Variants in EP400 observed in about 807,000 individuals in gnomAD.
The protein encoded by EP400 is E1A-binding protein p400.
Under a neutral mutation model 354.1 loss-of-function variants are expected in EP400, and 105 were observed. That is an observed-to-expected ratio of 0.30 (90% CI 0.25 to 0.35). EP400 has a LOEUF of 0.35. Among genes scored for constraint, EP400 ranks in the 10% least tolerant of loss-of-function variants. The probability of loss-of-function intolerance (pLI) is 1.00; values close to 1 mark genes in which losing one functional copy is unlikely to be tolerated. For missense variants in EP400, 3,280 were observed against 4,121.0 expected, an observed-to-expected ratio of 0.80 and a Z score of 5.59; for synonymous variants, 1,646 against 1,716.9, an observed-to-expected ratio of 0.96 and a Z score of 1.02.
rs1894529310 is a variant in EP400 at position 132,032,050 on chromosome 12, C to T, written c.5852C>T (p.Thr1951Ile). The change falls in exon 30 of 53, where the codon ACC (threonine) becomes ATC (isoleucine). Residue 1951 changes from threonine (T) to isoleucine (I), a missense_variant. Transcript: ENST00000389561. ...TTGINLVEAD[T>I]VVFYDNDLNP... ...GGTATAAACCTTGTAGAGGCGGACACCGTCGTGTTTTATGACAATGACCTG... is the reference window on the plus strand; with the variant it reads ...GGTATAAACCTTGTAGAGGCGGACATCGTCGTGTTTTATGACAATGACCTG... 6.2e-7 allele frequency: 1 copy of T among 1,614,228 alleles called. No homozygotes were observed. The highest frequency in any genetic ancestry group is 8.5e-7 in the Non-Finnish European group (1 of 1,180,050).
In EP400 at chr12:132,077,914, T is replaced by C. The variant is rs1312120546; in HGVS notation, c.*241T>C. 5.4e-6 allele frequency: 3 copies of C among 555,642 alleles called. No individual in the cohort carries two copies. The highest frequency in any genetic ancestry group is 9.4e-6 in the Non-Finnish European group (3 of 319,836). 34.4% of individuals were successfully genotyped at this position (555,642 alleles called of 1,614,324 possible). ...TGGAAAAAGTGACAACATGGCTTCCTCTAAATCATTTCACCTTTCAGTCCC... is the reference window on the plus strand; with the variant it reads ...TGGAAAAAGTGACAACATGGCTTCCCCTAAATCATTTCACCTTTCAGTCCC... On this transcript the variant is annotated 3_prime_UTR_variant, in exon 53 of 53. Transcript: ENST00000389561.
intron 12 of EP400, among the ~76,000 whole-genome samples, chr12:131,998,525 T>C (rs1893291606): frequency 6.6e-6 from 1 of 151,940 alleles, no homozygotes; most frequent in Non-Finnish European, 1.5e-5. Flanking sequence ...AAAGTTGTGC[T>C]AAATGGTATA....
chr12:132,040,703 CAT>C (rs1434941116), intron 32 of EP400, among the ~76,000 whole-genome samples: 1 of 152,312 alleles, frequency 6.6e-6, no homozygotes, highest in East Asian at 1.9e-4. Context: ...AATTTATTCA[CAT>C]GAGAAGTTGT....
In EP400 at chr12:131,990,557, G is replaced by A. The variant is rs1892999691; in HGVS notation, c.2551-79G>A. The A allele has an allele frequency of 9.3e-7, 1 of 1,071,692 alleles. No individual in the cohort carries two copies. Among genetic ancestry groups the A allele is most frequent in the African/African-American group, 1.6e-5 (1 of 63,070 alleles). 66.4% of individuals were successfully genotyped at this position (1,071,692 alleles called of 1,614,324 possible). ...CACTGTTTTCAGACTCTGCTTATGT[G>A]CTTTAGTGTTTTGTATGCAGAACGT... On this transcript the variant is annotated intron_variant, in intron 8 of 52. Coordinates refer to ENST00000389561, the MANE Select transcript of EP400 (RefSeq NM_015409.5). This position sits in a 1 kb window ranked among gnomAD's most constrained non-coding sequence, Gnocchi z 4.2.
chr12:132,050,934 T>C lies in EP400; in HGVS notation c.7394+279T>C. 1.9e-6 allele frequency: 1 copy of C among 537,324 alleles called. No homozygotes were observed. The highest frequency in any genetic ancestry group is 3.3e-6 in the Non-Finnish European group (1 of 299,856). The allele number at this position is 537,324 out of a possible 1,614,324, so 33.3% of individuals were successfully genotyped here. On this transcript the variant is annotated intron_variant, in intron 41 of 52. Transcript: ENST00000389561. The surrounding 1 kb of genome is among the most constrained non-coding windows in gnomAD (Gnocchi z 4.8). ...AGATGTGATGAGTGTGCCAGGGCCA[T>C]GTGGCCAACCACAAGGGGCTTTCTT...
In EP400 at chr12:132,079,742, G is replaced by A. The variant is rs895641988; in HGVS notation, c.*2069G>A. The A allele has an allele frequency of 1.3e-5, 2 of 152,198 alleles. No individual in the cohort carries two copies. Among genetic ancestry groups the A allele is most frequent in the East Asian group, 1.9e-4 (1 of 5,194 alleles). The allele number at this position is 152,198 out of a possible 1,614,324, so 9.4% of individuals were successfully genotyped here. The stretch of plus-strand genomic sequence containing the variant: ...ATTTGCAATGTGGAGTTTCCGCCCC[G>A]ATCTCACGTCAGTGAGGGTCTCCTG... On this transcript the variant is annotated 3_prime_UTR_variant, in exon 53 of 53. Transcript: ENST00000389561.
At position 132,018,402 on chromosome 12, in the gene EP400, G is replaced by C; in HGVS notation, c.4277+26G>C. The C allele has an allele frequency of 6.3e-7, 1 of 1,575,252 alleles. No individual in the cohort carries two copies. Among genetic ancestry groups the C allele is most frequent in the Non-Finnish European group, 8.6e-7 (1 of 1,165,342 alleles). ...GTGCGTGCGACCCAGAGGCAGCGGG[G>C]AGGGTTGGCTCCCAGGGCCCCCACA... On this transcript the variant is annotated intron_variant, in intron 21 of 52. Transcript: ENST00000389561. This position sits in a 1 kb window ranked among gnomAD's most constrained non-coding sequence, Gnocchi z 4.0.
chr12:132,010,031 G>A (rs775785707), intron 15 of EP400, among the ~76,000 whole-genome samples: 26 of 150,918 alleles, frequency 1.7e-4, no homozygotes, highest in Non-Finnish European at 3.1e-4. Context: ...TTTTTCACTG[G>A]GTGTTAAAAT....
intron 30 of EP400, among the ~76,000 whole-genome samples, chr12:132,035,634 AG>A (rs1489223207): frequency 6.6e-6 from 1 of 150,830 alleles, no homozygotes; most frequent in East Asian, 2.0e-4. Context: ...GGGCACACCC[AG>A]GTTCACACAC....
chr12:132,013,990 G>A lies in EP400; in HGVS notation c.3923+77G>A, dbSNP rs1413514886. On this transcript the variant is annotated intron_variant, in intron 19 of 52. Coordinates refer to ENST00000389561, the MANE Select transcript of EP400 (RefSeq NM_015409.5). This position sits in a 1 kb window ranked among gnomAD's most constrained non-coding sequence, Gnocchi z 4.5. ...GAAAACGGCCCTTTCTGTGGCCTCA[G>A]CAGAAAGCTCCTTTCCGCAAGGATT... 6.4e-7 allele frequency: 1 copy of A among 1,563,822 alleles called. No individual in the cohort carries two copies. The highest frequency in any genetic ancestry group is 1.4e-5 in the African/African-American group (1 of 73,172).
chr12:131,949,962 G>C lies in EP400; in HGVS notation c.-110G>C, dbSNP rs1191731302. 1 of 151,876 alleles carries C rather than the reference G, an allele frequency of 6.6e-6. No individual in the cohort carries two copies. The highest frequency in any genetic ancestry group is 1.9e-4 in the East Asian group (1 of 5,176). The allele number at this position is 151,876 out of a possible 1,614,324, so 9.4% of individuals were successfully genotyped here. A position where few individuals can be genotyped will look rare whatever the true frequency, so the allele number is the denominator to read the frequency against. On this transcript the variant is annotated 5_prime_UTR_variant, in exon 1 of 53. It removes an upstream start codon present in the reference 5' UTR. Transcript: ENST00000389561. ...GCTTCCTCCCGCCGGGGCCCCGGAT[G>C]CACTGAGCGGCTGCGGCGCGGCTTC...
At chr12:131,999,846 G>A (rs1353884615) in intron 12 of EP400, among the ~76,000 whole-genome samples, 1 of 151,862 alleles carries the variant, frequency 6.6e-6, no homozygotes, top group African/African-American at 2.4e-5. Flanking sequence ...AAATTTATTG[G>A]CATACATTGT....
chr12:132,018,478 G>A lies in EP400; in HGVS notation c.4277+102G>A, dbSNP rs940996794. 7.6e-6 allele frequency: 11 copies of A among 1,450,034 alleles called. No homozygotes were observed. In the Admixed American group the frequency reaches 1.0e-4, roughly 14 times the overall value. The allele number at this position is 1,450,034 out of a possible 1,614,324, so 89.8% of individuals were successfully genotyped here. The stretch of plus-strand genomic sequence containing the variant: ...AAAGAAAGGCTGCTAATGTAGTTAG[G>A]TTATCTGCTGCTCTTGGGACCTTGC... On this transcript the variant is annotated intron_variant, in intron 21 of 52. Coordinates refer to ENST00000389561, the MANE Select transcript of EP400 (RefSeq NM_015409.5). This position sits in a 1 kb window ranked among gnomAD's most constrained non-coding sequence, Gnocchi z 4.0.
chr12:132,034,124 A>G (rs1478937064), intron 30 of EP400, among the ~76,000 whole-genome samples: 1 of 152,184 alleles, frequency 6.6e-6, no homozygotes, highest in Non-Finnish European at 1.5e-5. Flanking sequence ...GGTGATGAAT[A>G]TAAGTTTGGT....
At chr12:132,024,855 T>C (rs1894249065) in intron 24 of EP400, among the ~76,000 whole-genome samples, 1 of 132,482 alleles carries the variant, frequency 7.5e-6, no homozygotes, top group Non-Finnish European at 1.6e-5. Flanking sequence ...TTCCCTCACC[T>C]TCCTTCACCT....
chr12:131,996,320 G>A (rs947542188), intron 12 of EP400, among the ~76,000 whole-genome samples: 4 of 130,754 alleles, frequency 3.1e-5, no homozygotes, highest in African/African-American at 1.4e-4. Flanking sequence ...TTGAGATGGA[G>A]TCTCGCTGTC....
At chr12:131,987,505 C>T (rs1046127459) in intron 6 of EP400, among the ~76,000 whole-genome samples, 200 bp from the exon 7 acceptor site, 1 of 152,192 alleles carries the variant, frequency 6.6e-6, no homozygotes, top group Non-Finnish European at 1.5e-5. Context: ...GGGTCACATG[C>T]TCCTAGACCT....
At position 132,029,404 on chromosome 12, in the gene EP400, AAT is replaced by A; in HGVS notation, c.5382-296_5382-295del. On this transcript the variant is annotated intron_variant, in intron 27 of 52. Transcript: ENST00000389561. The surrounding 1 kb of genome is among the most constrained non-coding windows in gnomAD (Gnocchi z 4.7). Reference sequence around the variant, plus strand: ...CCAGCTGAAGACACACTAGAAAGAGAATGGCTTATCTCTGACCTGGTGCCTGC... The same window carrying A: ...CCAGCTGAAGACACACTAGAAAGAGAGGCTTATCTCTGACCTGGTGCCTGC... 4 of 472,234 alleles carry A rather than the reference AAT, an allele frequency of 8.5e-6. No homozygotes were observed. Among genetic ancestry groups the A allele is most frequent in the Non-Finnish European group, 1.1e-5 (3 of 263,696 alleles). 29.3% of individuals were successfully genotyped at this position (472,234 alleles called of 1,614,324 possible). A position where few individuals can be genotyped will look rare whatever the true frequency, so the allele number is the denominator to read the frequency against.
In EP400 at chr12:132,064,943, A is replaced by G. The variant is rs1895840843; in HGVS notation, c.8553+57A>G. On this transcript the variant is annotated intron_variant, in intron 48 of 52. Coordinates refer to ENST00000389561, the MANE Select transcript of EP400 (RefSeq NM_015409.5). ...GCAGCATCTTTTTATGTTTTAACAC[A>G]GCTGTTGCGCTTGCTCAGGTGCGTG... 9.1e-6 allele frequency: 14 copies of G among 1,534,580 alleles called. No individual in the cohort carries two copies. The South Asian group carries it at 1.1e-4, about 12-fold the overall frequency.
Sources: gnomAD v4.1 joint callset for allele counts (sites outside exome capture counted in the v4.1 genomes callset) on GRCh38, gnomAD v4.1.1 for gene constraint, Gnocchi (gnomAD v3.1) non-coding constraint, MANE v1.5 for transcripts, NCBI Gene and HGNC (gene_info 2026-07-23, HGNC 2026-07-21) for gene names.